ETS1: variants seen among roughly 807,000 people sequenced by gnomAD.
ETS1 encodes the protein protein C-ets-1.
A neutral mutation model predicts 58.6 loss-of-function variants in ETS1; 15 were observed. The ratio of observed to expected loss-of-function variants is 0.26; its 90% CI spans 0.17 to 0.39. ETS1 has a LOEUF of 0.39. Among genes scored for constraint, ETS1 ranks in the 10% least tolerant of loss-of-function variants. The pLI is 1.00. For synonymous variants in ETS1, 214 were observed against 218.2 expected (o/e 0.98, Z 0.17); for missense variants, 417 against 610.5 (o/e 0.68, Z 3.34).
At chr11:128,582,089 A>G (rs1864882513) in intron 1 of ETS1, among the ~76,000 whole-genome samples, 1 of 152,224 alleles carries the variant, frequency 6.6e-6, no homozygotes, top group Admixed American at 6.5e-5. Context: ...GCATTCTTAT[A>G]TAAAGAGGGA....
intron 5 of ETS1, among the ~76,000 whole-genome samples, chr11:128,488,464 G>A (rs1184697123): frequency 6.6e-6 from 1 of 152,140 alleles, no homozygotes; most frequent in Non-Finnish European, 1.5e-5. Flanking sequence ...CCCAGCGTCT[G>A]TGCCAAGGGT....
At chr11:128,466,141 C>A (rs747583957) in intron 8 of ETS1, among the ~76,000 whole-genome samples, 10 of 152,228 alleles carry the variant, frequency 6.6e-5, no homozygotes, top group Non-Finnish European at 1.3e-4. Flanking sequence ...CACCAGTGGC[C>A]GTGCCAGGCC....
intron 1 of ETS1, among the ~76,000 whole-genome samples, chr11:128,585,899 T>C (rs1052332353): frequency 9.9e-5 from 15 of 152,172 alleles, no homozygotes; most frequent in African/African-American, 3.6e-4. Context: ...CCACTTGCCT[T>C]TGAACTCCAT....
At chr11:128,526,766 C>T (rs1863808595) in intron 3 of ETS1, 1 of 346,478 alleles carries the variant, frequency 2.9e-6, no homozygotes, top group Admixed American at 4.0e-5. Flanking sequence ...AGTTTAAATT[C>T]TGAAAGAAGA....
At chr11:128,573,731 A>G (rs1251695470) in intron 1 of ETS1, among the ~76,000 whole-genome samples, 1 of 152,224 alleles carries the variant, frequency 6.6e-6, no homozygotes, top group East Asian at 1.9e-4. Context: ...GCTATTTTCT[A>G]CATTGGAAGT....
chr11:128,574,058 A>C (rs376364415), intron 1 of ETS1, among the ~76,000 whole-genome samples: 1 of 152,180 alleles, frequency 6.6e-6, no homozygotes, highest in African/African-American at 2.4e-5. Flanking sequence ...TTCAAGAAAA[A>C]TCAAGTAATA....
At chr11:128,494,917 GC>G (rs1333620642) in intron 3 of ETS1, among the ~76,000 whole-genome samples, 4 of 152,268 alleles carry the variant, frequency 2.6e-5, no homozygotes, top group Admixed American at 1.3e-4. Flanking sequence ...ATTGAACTGG[GC>G]CCAACCCCAT....
At chr11:128,496,085 T>A (rs1862933203) in intron 3 of ETS1, among the ~76,000 whole-genome samples, 1 of 152,050 alleles carries the variant, frequency 6.6e-6, no homozygotes, top group Non-Finnish European at 1.5e-5. Flanking sequence ...AGGATATTTT[T>A]TAGATAAAGG....
intron 3 of ETS1, chr11:128,536,717 C>T (rs980469575): frequency 6.6e-6 from 1 of 152,190 alleles, no homozygotes; most frequent in Non-Finnish European, 1.5e-5. Context: ...GTTGACAGTT[C>T]ATGTCAATAC....
At chr11:128,563,106 G>A (rs943058852) in intron 2 of ETS1, among the ~76,000 whole-genome samples, 3 of 152,162 alleles carry the variant, frequency 2.0e-5, no homozygotes, top group Non-Finnish European at 4.4e-5. Context: ...CACATGCGAT[G>A]AGTAACTCCC....
rs989555697 is a variant in ETS1 at position 128,463,365 on chromosome 11, A to T, written c.1242+144T>A. On this transcript the variant is annotated intron_variant, in intron 9 of 9. Coordinates refer to ENST00000392668, the MANE Select transcript of ETS1 (RefSeq NM_001143820.2). The surrounding 1 kb of genome is among the most constrained non-coding windows in gnomAD (Gnocchi z 4.1). Reference sequence around the variant, plus strand: ...CAAATAATGAACCTGGAGCTCAGACAGGCTACCTAGCTTGCTCCGGGTGGC... The same window carrying T: ...CAAATAATGAACCTGGAGCTCAGACTGGCTACCTAGCTTGCTCCGGGTGGC... The T allele has an allele frequency of 1.6e-6, 1 of 633,838 alleles. No homozygotes were observed. Among genetic ancestry groups the T allele is most frequent in the African/African-American group, 1.8e-5 (1 of 55,072 alleles). The allele number at this position is 633,838 out of a possible 1,614,324, so 39.3% of individuals were successfully genotyped here.
chr11:128,568,829 G>A (rs924288836), intron 2 of ETS1, among the ~76,000 whole-genome samples: 5 of 152,222 alleles, frequency 3.3e-5, no homozygotes, highest in African/African-American at 1.2e-4. Flanking sequence ...GCTATCTTCA[G>A]GCGCAGAAAA....
At chr11:128,506,875 C>G (rs1411139369) in intron 3 of ETS1, among the ~76,000 whole-genome samples, 1 of 152,146 alleles carries the variant, frequency 6.6e-6, no homozygotes, top group East Asian at 1.9e-4. Flanking sequence ...CCCTCAAGTT[C>G]CCTACCCTAA....
At chr11:128,475,078 C>G (rs1337476156) in intron 8 of ETS1, among the ~76,000 whole-genome samples, 1 of 152,250 alleles carries the variant, frequency 6.6e-6, no homozygotes, top group East Asian at 1.9e-4. Flanking sequence ...GTTATCTCCC[C>G]AAATTAAAAG....
chr11:128,472,610 A>G (rs1369096839), intron 8 of ETS1, among the ~76,000 whole-genome samples: 2 of 152,164 alleles, frequency 1.3e-5, no homozygotes, highest in African/African-American at 4.8e-5. Context: ...CCATGTCCAC[A>G]CCAGCACCCC....
Position 128,481,218 on chromosome 11 carries a change from A to G in ETS1, c.863-767T>C, listed in dbSNP as rs1321240178. 2.0e-5 allele frequency among the ~76,000 whole-genome samples: 3 copies of G among 152,220 alleles called. No individual in the cohort carries two copies. The East Asian group carries it at 5.8e-4, about 29-fold the overall frequency. On this transcript the variant is annotated intron_variant, in intron 7 of 9. Coordinates refer to ENST00000392668, the MANE Select transcript of ETS1 (RefSeq NM_001143820.2). ...AAACTTCATTGGAAAAGTGTAGGCAATATTTAAAAGGTTTATTAAAGAGTT... is the reference window on the plus strand; with the variant it reads ...AAACTTCATTGGAAAAGTGTAGGCAGTATTTAAAAGGTTTATTAAAGAGTT...
At chr11:128,540,699 A>C (rs1019802628) in intron 3 of ETS1, among the ~76,000 whole-genome samples, 19 of 152,206 alleles carry the variant, frequency 1.2e-4, no homozygotes, top group African/African-American at 4.1e-4. Context: ...GGAAACTCCA[A>C]ATGGAATTTA....
chr11:128,460,071 AACACACACACACACACACACAC>A lies in ETS1; in HGVS notation c.*2268_*2289del, dbSNP rs199537006. On this transcript the variant is annotated 3_prime_UTR_variant, in exon 10 of 10. Transcript: ENST00000392668. ...TCAGCTGCAGTTTTGCATGTCTGCA[AACACACACACACACACACACAC>A]ACACACACACACACACACACACAAC... The A allele has an allele frequency of 4.4e-5, 1 of 22,738 alleles. No individual in the cohort carries two copies. Among genetic ancestry groups the A allele is most frequent in the Non-Finnish European group, 9.1e-5 (1 of 10,990 alleles). The allele number at this position is 22,738 out of a possible 1,614,324, so 1.4% of individuals were successfully genotyped here. A position where few individuals can be genotyped will look rare whatever the true frequency, so the allele number is the denominator to read the frequency against.
chr11:128,486,804 C>T (rs557657905), intron 5 of ETS1, among the ~76,000 whole-genome samples: 1 of 152,296 alleles, frequency 6.6e-6, no homozygotes, highest in African/African-American at 2.4e-5. Context: ...GGAAGGGAGA[C>T]GAAGTGCACC....
Sources: allele counts gnomAD v4.1 joint callset (sites outside exome capture counted in the v4.1 genomes callset), GRCh38; gene constraint gnomAD v4.1.1; non-coding constraint Gnocchi (gnomAD v3.1); transcripts MANE v1.5; gene names NCBI Gene and HGNC (gene_info 2026-07-23, HGNC 2026-07-21).